The following ADGRA1 variants were observed in gnomAD, a reference collection of about 807,000 sequenced individuals.
ADGRA1 encodes adhesion G protein-coupled receptor A1, also known as G-protein coupled receptor 123.
ADGRA1 carries 12 observed loss-of-function variants against 21.3 expected under a neutral mutation model. The ratio of observed to expected loss-of-function variants is 0.56; its 90% CI spans 0.36 to 0.91. The LOEUF (loss-of-function observed/expected upper bound fraction) is 0.91. Among genes scored for constraint, ADGRA1 ranks in the 40% least tolerant of loss-of-function variants. The pLI is 0.01. For synonymous variants in ADGRA1, 385 were observed against 368.8 expected (o/e 1.04, Z -0.50); for missense variants, 790 against 805.6 (o/e 0.98, Z 0.23).
At chr10:133,102,904 C>A (rs1851823651) in intron 5 of ADGRA1, 62 bp downstream of exon 5, 11 of 1,543,398 alleles carry the variant, frequency 7.1e-6, no homozygotes, top group Non-Finnish European at 8.8e-6. Flanking sequence ...CATGCACCTT[C>A]TGGGTCTTGG....
chr10:133,092,919 T>C, intron 2 of ADGRA1: 1 of 1,546,608 alleles, frequency 6.5e-7, no homozygotes. Context: ...GAAGGAGGAC[T>C]GGAAGCACCT....
intron 5 of ADGRA1, among the ~76,000 whole-genome samples, chr10:133,103,246 C>T (rs947478698): frequency 2.6e-5 from 4 of 152,200 alleles, no homozygotes; most frequent in Non-Finnish European, 4.4e-5. Flanking sequence ...GCGTGAGACC[C>T]TCTATGCCCC....
chr10:133,121,943 G>A (rs1310222479), intron 5 of ADGRA1, among the ~76,000 whole-genome samples: 1 of 150,656 alleles, frequency 6.6e-6, no homozygotes, highest in African/African-American at 2.4e-5. Flanking sequence ...GTGTGTGTGT[G>A]AGTGTGCTTG....
chr10:133,123,715 C>A (rs548097299), intron 5 of ADGRA1, among the ~76,000 whole-genome samples: 129 of 28,526 alleles, frequency 4.5e-3, no homozygotes, highest in African/African-American at 0.028. Flanking sequence ...CTGCCTCCCT[C>A]CCCCCCCCCG....
chr10:133,123,296 C>T (rs539374990), intron 5 of ADGRA1, among the ~76,000 whole-genome samples: 6 of 152,196 alleles, frequency 3.9e-5, no homozygotes, highest in South Asian at 2.1e-4. Flanking sequence ...TCTTCTGGGC[C>T]GCCCACTCTT....
chr10:133,129,461 G>T lies in ADGRA1; in HGVS notation c.1633G>T (p.Gly545Trp), dbSNP rs181216412. The change falls in exon 7 of 7, where the codon GGG becomes TGG. Residue 545 changes from glycine (G) to tryptophan (W), a missense_variant. Gly to Trp is a radical substitution (Grantham distance 184, BLOSUM62 -2). Coordinates refer to ENST00000392607, the MANE Select transcript of ADGRA1 (RefSeq NM_001083909.3). Reference protein sequence around the residue: ...LLEGLPFGTDGTGNIRTGPWK... With the variant: ...LLEGLPFGTDWTGNIRTGPWK... The stretch of plus-strand genomic sequence containing the variant: ...AGAAGGCCTGCCGTTTGGCACCGAC[G>T]GGACCGGCAACATCCGAACGGGACC... 56 of 1,600,590 alleles carry T rather than the reference G, an allele frequency of 3.5e-5. 1 individual carries two copies. The East Asian group carries it at 1.2e-3, about 36-fold the overall frequency.
chr10:133,116,026 C>G (rs1050396488), intron 5 of ADGRA1, among the ~76,000 whole-genome samples: 2 of 151,974 alleles, frequency 1.3e-5, no homozygotes, highest in African/African-American at 4.8e-5. Context: ...CTCCCTCCCC[C>G]TCATTCCTCC....
chr10:133,105,337 C>A (rs1349961390), intron 5 of ADGRA1, among the ~76,000 whole-genome samples: 1 of 152,194 alleles, frequency 6.6e-6, no homozygotes, highest in Admixed American at 6.5e-5. Flanking sequence ...CATGAAGGAG[C>A]CGTGTGTAAG....
intron 5 of ADGRA1, among the ~76,000 whole-genome samples, chr10:133,108,033 G>A (rs1000652578): frequency 6.6e-6 from 1 of 152,230 alleles, no homozygotes; most frequent in Admixed American, 6.5e-5. Context: ...GGCCTGCCCT[G>A]GCCAGCCCAG....
At chr10:133,119,850 A>G (rs1436911537) in intron 5 of ADGRA1, among the ~76,000 whole-genome samples, 4 of 152,242 alleles carry the variant, frequency 2.6e-5, no homozygotes, top group African/African-American at 9.6e-5. Context: ...CATGCTGTCA[A>G]CAGATGTGCT....
rs1037940291 is a variant in ADGRA1 at position 133,089,755 on chromosome 10, C to G, written c.3+843C>G. ...TCACTTGCTCATTTTCTTCTTGTTC[C>G]GTTCGAAATGTCCAAGCAAGAGAGA... On this transcript the variant is annotated intron_variant, in intron 2 of 6. Coordinates refer to ENST00000392607, the MANE Select transcript of ADGRA1 (RefSeq NM_001083909.3). Among the ~76,000 whole-genome samples the G allele has an allele frequency of 5.3e-5, 8 of 152,344 alleles. No individual in the cohort carries two copies. In the East Asian group the frequency reaches 5.8e-4, roughly 11 times the overall value.
intron 5 of ADGRA1, among the ~76,000 whole-genome samples, chr10:133,105,693 C>T (rs1851881502): frequency 6.6e-6 from 1 of 152,216 alleles, no homozygotes; most frequent in African/African-American, 2.4e-5. Flanking sequence ...ACAGCCTGGT[C>T]AGCAGAGGGG....
In ADGRA1 at chr10:133,118,863, ACAT is replaced by A. The variant is rs1852202663; in HGVS notation, c.402-8367_402-8365del. 3.6e-5 allele frequency among the ~76,000 whole-genome samples: 5 copies of A among 139,496 alleles called. No homozygotes were observed. The South Asian group carries it at 1.0e-3, about 29-fold the overall frequency. 91.5% of individuals were successfully genotyped at this position (139,496 alleles called of 152,430 possible). On this transcript the variant is annotated intron_variant, in intron 5 of 6. Transcript: ENST00000392607. ...TACCACCTCTTCAGTGTGCACACAC[ACAT>A]CACACACACATGCACTCATACACTT...
intron 4 of ADGRA1, among the ~76,000 whole-genome samples, 156 bp from the exon 5 acceptor site, chr10:133,102,541 T>C (rs7918741): frequency 0.2 from 30,283 of 152,188 alleles, 3,099 homozygotes; most frequent in African/African-American, 0.23. Flanking sequence ...CTGTGAGTTC[T>C]GGGCGGCTGT....
rs1564857691 is a variant in ADGRA1, at chr10:133,130,591, C to T, written c.*1080C>T. On this transcript the variant is annotated 3_prime_UTR_variant, in exon 7 of 7. Coordinates refer to ENST00000392607, the MANE Select transcript of ADGRA1 (RefSeq NM_001083909.3). ...AGTCCAGAGGGTCATGGGTGTGAAA[C>T]TGTGCACAGCTTTCCCTCCCTCCCT... 2.0e-5 allele frequency: 3 copies of T among 152,168 alleles called. No homozygotes were observed. Among genetic ancestry groups the T allele is most frequent in the Admixed American group, 6.5e-5 (1 of 15,274 alleles). 9.4% of individuals were successfully genotyped at this position (152,168 alleles called of 1,614,324 possible). A position where few individuals can be genotyped will look rare whatever the true frequency, so the allele number is the denominator to read the frequency against.
chr10:133,105,895 C>T (rs1176714268), intron 5 of ADGRA1, among the ~76,000 whole-genome samples: 1 of 152,216 alleles, frequency 6.6e-6, no homozygotes, highest in Non-Finnish European at 1.5e-5. Context: ...CCACCTCTCC[C>T]CTCAAGCAGG....
chr10:133,129,447 C>T lies in ADGRA1; in HGVS notation c.1619C>T (p.Pro540Leu), dbSNP rs889432977. 3.7e-6 allele frequency: 6 copies of T among 1,601,942 alleles called. No individual in the cohort carries two copies. Among genetic ancestry groups the T allele is most frequent in the Non-Finnish European group, 4.2e-6 (5 of 1,179,878 alleles). ...LPKGKLLEGL[P>L]FGTDGTGNIR... ...AAGGGTAAATTGCTAGAAGGCCTGC[C>T]GTTTGGCACCGACGGGACCGGCAAC... Residue 540 changes from proline (P) to leucine (L), a missense_variant, in exon 7 of 7, where the codon CCG (proline) becomes CTG (leucine). This residue lies in a region of ADGRA1 where 391 missense variants were observed against 351.5 expected (regional missense o/e 1.11). Transcript: ENST00000392607.
Position 133,122,817 on chromosome 10 carries a change from C to A in ADGRA1, c.402-4416C>A, listed in dbSNP as rs918494660. ...GTTCACCAGCCAGGCACACGCATCCCCAGGCACACGCGTCCCCAGGCACAC... is the reference window on the plus strand; with the variant it reads ...GTTCACCAGCCAGGCACACGCATCCACAGGCACACGCGTCCCCAGGCACAC... On this transcript the variant is annotated intron_variant, in intron 5 of 6. Transcript: ENST00000392607. Among the ~76,000 whole-genome samples the A allele has an allele frequency of 1.4e-5, 2 of 143,704 alleles. 1 individual carries two copies. The highest frequency in any genetic ancestry group is 1.4e-4 in the Admixed American group (2 of 14,680). The allele number at this position is 143,704 out of a possible 152,430, so 94.3% of individuals were successfully genotyped here.
intron 2 of ADGRA1, among the ~76,000 whole-genome samples, chr10:133,094,725 G>C (rs1405423037): frequency 3.3e-5 from 5 of 152,158 alleles, no homozygotes. Flanking sequence ...GAACTGTGTA[G>C]AGCGTTCAGG....
Sources: allele counts gnomAD v4.1 joint callset (sites outside exome capture counted in the v4.1 genomes callset), GRCh38; gene constraint gnomAD v4.1.1; regional missense constraint gnomAD v4.1.1; transcripts MANE v1.5; gene names NCBI Gene and HGNC (gene_info 2026-07-23, HGNC 2026-07-21).